The following SLC9A4 variants were observed in gnomAD, a reference collection of about 807,000 sequenced individuals.
SLC9A4 encodes the protein sodium/hydrogen exchanger 4.
SLC9A4 carries 63 observed loss-of-function variants against 67.4 expected under a neutral mutation model. The observed-to-expected ratio is 0.93, with a 90% CI of 0.76 to 1.15. The LOEUF (loss-of-function observed/expected upper bound fraction) is 1.15. SLC9A4 is among the 50% of genes most tolerant of loss of function. The pLI is 0.00. For missense variants in SLC9A4, 1,089 were observed against 987.7 expected (o/e 1.10, Z -1.38); for synonymous variants, 393 against 367.2 (o/e 1.07, Z -0.80).
At chr2:102,526,187 C>T in intron 10 of SLC9A4, 72 bp from the exon 11 acceptor site, 1 of 1,493,704 alleles carries the variant, frequency 6.7e-7, no homozygotes, top group Non-Finnish European at 9.3e-7. Context: ...AGTGTCTGGC[C>T]CTTTATTTGC....
chr2:102,533,370 A>T lies in SLC9A4; in HGVS notation c.*682A>T, dbSNP rs1229466445. 6.6e-6 allele frequency: 1 copy of T among 152,276 alleles called. No homozygotes were observed. The highest frequency in any genetic ancestry group is 1.5e-5 in the Non-Finnish European group (1 of 68,036). The allele number at this position is 152,276 out of a possible 1,614,324, so 9.4% of individuals were successfully genotyped here. ...AATATTTATTTTAAAAATGAATATT[A>T]GAAACAAAACAGCCATAAACAGAGT... is the stretch of plus-strand genomic sequence containing the variant. On this transcript the variant is annotated 3_prime_UTR_variant, in exon 12 of 12. Coordinates refer to ENST00000295269, the MANE Select transcript of SLC9A4 (RefSeq NM_001011552.4).
chr2:102,525,064 G>C lies in SLC9A4; in HGVS notation c.1859G>C (p.Ser620Thr). The change falls in exon 10 of 12, where the codon AGT becomes ACT. Residue 620 changes from serine to threonine, a missense_variant. By Grantham distance (58) the Ser-to-Thr change is moderately conservative. Coordinates refer to ENST00000295269, the MANE Select transcript of SLC9A4 (RefSeq NM_001011552.4). ...YNKYNLKPQT[S>T]EKQAKEILIR... ...AAATACAACCTCAAACCCCAAACAAGTGAGAAGCAGGCTAAAGAGATTCTG... is the reference window on the plus strand; with the variant it reads ...AAATACAACCTCAAACCCCAAACAACTGAGAAGCAGGCTAAAGAGATTCTG... 6.2e-7 allele frequency: 1 copy of C among 1,614,058 alleles called. No homozygotes were observed. The highest frequency in any genetic ancestry group is 1.3e-5 in the African/African-American group (1 of 75,018).
At chr2:102,494,616 A>AT (rs1211585514) in intron 2 of SLC9A4, among the ~76,000 whole-genome samples, 2 of 152,134 alleles carry the variant, frequency 1.3e-5, no homozygotes, top group Non-Finnish European at 2.9e-5. Flanking sequence ...ATAAAGGCAT[A>AT]AATAAGGTGA....
intron 2 of SLC9A4, among the ~76,000 whole-genome samples, chr2:102,498,843 G>A (rs1346551323): frequency 1.3e-5 from 2 of 152,182 alleles, no homozygotes; most frequent in African/African-American, 2.4e-5. Flanking sequence ...GTTTTGTAAA[G>A]TGTGATTGAT....
intron 6 of SLC9A4, 135 bp downstream of exon 6, chr2:102,509,068 G>A: frequency 2.7e-6 from 2 of 729,842 alleles, no homozygotes; most frequent in East Asian, 2.7e-5. Flanking sequence ...AGTTTCCTAT[G>A]GCTGCTGTAG....
Position 102,532,805 on chromosome 2 carries a change from T to C in SLC9A4, c.*117T>C. 9.1e-7 allele frequency: 1 copy of C among 1,096,968 alleles called. No homozygotes were observed. The highest frequency in any genetic ancestry group is 1.3e-6 in the Non-Finnish European group (1 of 775,900). The allele number at this position is 1,096,968 out of a possible 1,614,324, so 68.0% of individuals were successfully genotyped here. A position where few individuals can be genotyped will look rare whatever the true frequency, so the allele number is the denominator to read the frequency against. Reference sequence around the variant, plus strand: ...ATTGAGTTTGCTGTGTTGAAGCTATTAAACATGGATCTATAAGCAGCAGGA... The same window carrying C: ...ATTGAGTTTGCTGTGTTGAAGCTATCAAACATGGATCTATAAGCAGCAGGA... On this transcript the variant is annotated 3_prime_UTR_variant, in exon 12 of 12. Coordinates refer to ENST00000295269, the MANE Select transcript of SLC9A4 (RefSeq NM_001011552.4).
chr2:102,515,408 AATCCCTGAGGATATCTCAG>A (rs758375918), intron 8 of SLC9A4, among the ~76,000 whole-genome samples: 19 of 148,236 alleles, frequency 1.3e-4, no homozygotes, highest in Non-Finnish European at 2.6e-4. Flanking sequence ...ATACTGAGAT[AATCCCTGAGGATATCTCAG>A]TATAATACAA....
At chr2:102,506,874 A>C (rs1049506611) in intron 4 of SLC9A4, among the ~76,000 whole-genome samples, 2 of 152,068 alleles carry the variant, frequency 1.3e-5, no homozygotes, top group African/African-American at 4.8e-5. Flanking sequence ...TGATGGAAAA[A>C]CCACCAAAAC....
At chr2:102,480,745 G>A (rs1684445064) in intron 2 of SLC9A4, among the ~76,000 whole-genome samples, 1 of 152,090 alleles carries the variant, frequency 6.6e-6, no homozygotes, top group African/African-American at 2.4e-5. Context: ...CTGCCTCCTT[G>A]GTAAATGAGA....
At chr2:102,481,336 G>A (rs899889704) in intron 2 of SLC9A4, among the ~76,000 whole-genome samples, 1 of 151,936 alleles carries the variant, frequency 6.6e-6, no homozygotes, top group Non-Finnish European at 1.5e-5. Flanking sequence ...GTTTTCTAAT[G>A]CCATGAGCAA....
At chr2:102,516,740 A>G (rs2104442928) in intron 8 of SLC9A4, among the ~76,000 whole-genome samples, 1 of 152,332 alleles carries the variant, frequency 6.6e-6, no homozygotes, top group South Asian at 2.1e-4. Flanking sequence ...CACTTTGATT[A>G]CTATCTCAAA....
intron 2 of SLC9A4, among the ~76,000 whole-genome samples, chr2:102,496,229 C>G (rs1451478089): frequency 6.6e-6 from 1 of 152,108 alleles, no homozygotes; most frequent in Non-Finnish European, 1.5e-5. Context: ...AACAGATACA[C>G]CATAAAAGAT....
intron 8 of SLC9A4, among the ~76,000 whole-genome samples, chr2:102,515,630 C>T (rs1051908215): frequency 1.3e-5 from 2 of 151,878 alleles, no homozygotes; most frequent in Non-Finnish European, 2.9e-5. Flanking sequence ...TCAGGCATAT[C>T]GATCCTCTAT....
chr2:102,477,309 C>T (rs1032243553), intron 1 of SLC9A4, among the ~76,000 whole-genome samples: 5 of 152,206 alleles, frequency 3.3e-5, no homozygotes, highest in African/African-American at 1.2e-4. Context: ...ATGTTCTCCC[C>T]ACCTAAAATT....
At chr2:102,500,077 G>C (rs1558664889) in intron 2 of SLC9A4, among the ~76,000 whole-genome samples, 3 of 152,216 alleles carry the variant, frequency 2.0e-5, no homozygotes. Flanking sequence ...TGGAAACAGT[G>C]TCTTTACAGT....
intron 8 of SLC9A4, among the ~76,000 whole-genome samples, chr2:102,514,708 G>A (rs1384046101): frequency 4.6e-5 from 7 of 152,218 alleles, no homozygotes; most frequent in Non-Finnish European, 8.8e-5. Context: ...ATGAGAGCAA[G>A]AGGTGTGGTC....
chr2:102,482,872 A>C (rs1684495207), intron 2 of SLC9A4, among the ~76,000 whole-genome samples: 1 of 152,238 alleles, frequency 6.6e-6, no homozygotes, highest in South Asian at 2.1e-4. Context: ...ATAATCTACA[A>C]AAGTTCTTGC....
intron 9 of SLC9A4, among the ~76,000 whole-genome samples, chr2:102,523,824 A>T (rs1261206666): frequency 2.0e-5 from 3 of 152,174 alleles, no homozygotes; most frequent in Non-Finnish European, 4.4e-5. Context: ...CTCACCTCTA[A>T]GGTGGTTACC....
chr2:102,505,777 G>T, intron 4 of SLC9A4: 1 of 289,834 alleles, frequency 3.5e-6, no homozygotes. Context: ...AAAAATACAT[G>T]TTTGTTACTT....
Sources: gnomAD v4.1 joint callset for allele counts (sites outside exome capture counted in the v4.1 genomes callset) on GRCh38, gnomAD v4.1.1 for gene constraint, MANE v1.5 for transcripts, NCBI Gene and HGNC (gene_info 2026-07-23, HGNC 2026-07-21) for gene names.